PROSER2: variants seen among roughly 807,000 people sequenced by gnomAD.
PROSER2 encodes the protein proline and serine-rich protein 2.
In PROSER2, 18 loss-of-function variants were observed where a neutral mutation model predicts 14.6. That is an observed-to-expected ratio of 1.23 (90% CI 0.85 to 1.83). PROSER2 has a LOEUF of 1.83. Ranked by LOEUF, PROSER2 falls within the 40% of genes most tolerant of loss-of-function variation. PROSER2 has a pLI of 0.00. For missense variants in PROSER2, 823 were observed against 629.8 expected, an observed-to-expected ratio of 1.31 and a Z score of -3.28; for synonymous variants, 367 against 286.4, an observed-to-expected ratio of 1.28 and a Z score of -2.84.
In PROSER2 at chr10:11,856,240, C is replaced by T. The variant is rs1195528445; in HGVS notation, c.138+4025C>T. ...TCCTCTCCATGGCTGCTGCAGGCGG[C>T]TCTGGGTGTTTGGTTACCACCGTCA... On this transcript the variant is annotated intron_variant, in intron 2 of 3. Transcript: ENST00000277570. This position sits in a 1 kb window ranked among gnomAD's most constrained non-coding sequence, Gnocchi z 5.3. Among the ~76,000 whole-genome samples, 1 of 152,152 alleles carries T rather than the reference C, an allele frequency of 6.6e-6. No individual in the cohort carries two copies. The highest frequency in any genetic ancestry group is 2.4e-5 in the African/African-American group (1 of 41,414).
rs1833778757 is a variant in PROSER2 at position 11,837,564 on chromosome 10, A to G, written c.-82+14094A>G. On this transcript the variant is annotated intron_variant, in intron 1 of 3. Transcript: ENST00000277570. The surrounding 1 kb of genome is among the most constrained non-coding windows in gnomAD (Gnocchi z 4.6). ...GACCTGTTTTTGTGAAGTGTTTGCA[A>G]TGGCAATGAGTTGCGTAACATAGAC... Among the ~76,000 whole-genome samples, 1 of 152,200 alleles carries G rather than the reference A, an allele frequency of 6.6e-6. No homozygotes were observed. The highest frequency in any genetic ancestry group is 2.1e-4 in the South Asian group (1 of 4,820).
intron 1 of PROSER2, among the ~76,000 whole-genome samples, chr10:11,826,747 A>T (rs1407415393): frequency 6.6e-6 from 1 of 151,544 alleles, no homozygotes; most frequent in Non-Finnish European, 1.5e-5. Flanking sequence ...CGCCGGGCTA[A>T]TTTTTTGTAT....
rs1427239672 is a variant in PROSER2 at position 11,838,191 on chromosome 10, C to T, written c.-81-13806C>T. On this transcript the variant is annotated intron_variant, in intron 1 of 3. Coordinates refer to ENST00000277570, the MANE Select transcript of PROSER2 (RefSeq NM_153256.4). This position sits in a 1 kb window ranked among gnomAD's most constrained non-coding sequence, Gnocchi z 4.4. ...TAGAACAATCAGGTCATGCCCCCGA[C>T]ACACACTCACCCCCCAGACTCACCA... Among the ~76,000 whole-genome samples, 1 of 152,124 alleles carries T rather than the reference C, an allele frequency of 6.6e-6. No homozygotes were observed.
intron 1 of PROSER2, among the ~76,000 whole-genome samples, chr10:11,826,139 G>T (rs1172720412): frequency 6.6e-6 from 1 of 152,138 alleles, no homozygotes; most frequent in Non-Finnish European, 1.5e-5. Flanking sequence ...GTGGCCTCTT[G>T]TGTCTGGCGT....
At chr10:11,855,680 T>C (rs1347481760) in intron 2 of PROSER2, among the ~76,000 whole-genome samples, 1 of 152,086 alleles carries the variant, frequency 6.6e-6, no homozygotes, top group Non-Finnish European at 1.5e-5. Context: ...CTGAGCTACT[T>C]GGGAGGCCTG....
Position 11,843,192 on chromosome 10 carries a change from G to A in PROSER2, c.-81-8805G>A, listed in dbSNP as rs191504312. Among the ~76,000 whole-genome samples, 277 of 148,334 alleles carry A rather than the reference G, an allele frequency of 1.9e-3. 1 individual carries two copies. The highest frequency in any genetic ancestry group is 6.3e-3 in the African/African-American group (256 of 40,892). On this transcript the variant is annotated intron_variant, in intron 1 of 3. Coordinates refer to ENST00000277570, the MANE Select transcript of PROSER2 (RefSeq NM_153256.4). ...CCTGACCTCGTGATCCGCCCACCTC[G>A]GCCTCCCAAAGTGCCGGGATTACAG...
Position 11,866,698 on chromosome 10 carries a change from C to A in PROSER2, c.306C>A (p.Ser102=). Residue 102 remains serine, a synonymous_variant, in exon 3 of 4, where the codon TCC becomes TCA. Transcript: ENST00000277570. This position sits in a 1 kb window ranked among gnomAD's most constrained non-coding sequence, Gnocchi z 6.0. Reference sequence around the variant, plus strand: ...TGGAGGAGAGCACCTCCAGTCCCTCCGAGCCTGAAGATGTCATCGACTTAG... The same window carrying A: ...TGGAGGAGAGCACCTCCAGTCCCTCAGAGCCTGAAGATGTCATCGACTTAG... ...PSLEESTSSP[S]EPEDVIDLVQ... is the part of the protein sequence containing the mutation. 2 of 1,614,098 alleles carry A rather than the reference C, an allele frequency of 1.2e-6. No homozygotes were observed. The highest frequency in any genetic ancestry group is 4.5e-5 in the East Asian group (2 of 44,876).
At chr10:11,860,431 A>G (rs970360833) in intron 2 of PROSER2, among the ~76,000 whole-genome samples, 1 of 151,974 alleles carries the variant, frequency 6.6e-6, no homozygotes, top group Non-Finnish European at 1.5e-5. Context: ...GCTGGCCAGC[A>G]TGGTGAAACC....
intron 1 of PROSER2, among the ~76,000 whole-genome samples, chr10:11,834,386 A>G (rs1026896156): frequency 1.3e-5 from 2 of 151,864 alleles, no homozygotes; most frequent in South Asian, 4.2e-4. Flanking sequence ...ACACTTTTTA[A>G]AGCCTCACGT....
intron 1 of PROSER2, chr10:11,851,349 T>C (rs1234576671): frequency 6.6e-6 from 1 of 152,236 alleles, no homozygotes; most frequent in Non-Finnish European, 1.5e-5. Context: ...CCTGGGGTAC[T>C]TTACTTTTGA....
Position 11,869,935 on chromosome 10 carries a change from GGAGCGCA to G in PROSER2, c.839_845del (p.Glu280GlyfsTer71), listed in dbSNP as rs1305344640. 7.1e-6 allele frequency: 11 copies of G among 1,541,886 alleles called. No individual in the cohort carries two copies. The highest frequency in any genetic ancestry group is 9.6e-6 in the Non-Finnish European group (11 of 1,148,528). ...TGTCCAGGGCGGCCGTCAGCGTGCA[GGAGCGCA>G]GGGCGCAGGTGTTGGCCACCATCCA... On this transcript the variant is annotated frameshift_variant, in exon 4 of 4. Coordinates refer to ENST00000277570, the MANE Select transcript of PROSER2 (RefSeq NM_153256.4). LOFTEE classifies it low-confidence loss of function (END_TRUNC). The surrounding 1 kb of genome is among the most constrained non-coding windows in gnomAD (Gnocchi z 4.4).
intron 1 of PROSER2, among the ~76,000 whole-genome samples, chr10:11,843,089 C>A (rs1379691117): frequency 3.3e-5 from 5 of 150,156 alleles, no homozygotes; most frequent in Admixed American, 1.3e-4. Flanking sequence ...TACAGGCGCC[C>A]GCCACCATGC....
In PROSER2 at chr10:11,852,056, C is replaced by T. The variant is rs762038436; in HGVS notation, c.-22C>T. On this transcript the variant is annotated 5_prime_UTR_variant, in exon 2 of 4. Transcript: ENST00000277570. ...CCTGCCCTGCTTCCTGTGATCGAGCCGGCCCTGAGGACTCTGTGGAGATGC... is the reference window on the plus strand; with the variant it reads ...CCTGCCCTGCTTCCTGTGATCGAGCTGGCCCTGAGGACTCTGTGGAGATGC... The T allele has an allele frequency of 1.5e-5, 24 of 1,586,886 alleles. No individual in the cohort carries two copies. Among genetic ancestry groups the T allele is most frequent in the South Asian group, 3.4e-5 (3 of 87,818 alleles).
intron 1 of PROSER2, among the ~76,000 whole-genome samples, chr10:11,843,665 G>A (rs117537980): frequency 2.7e-5 from 4 of 148,158 alleles, no homozygotes; most frequent in Non-Finnish European, 5.9e-5. Context: ...CAATCTGGAC[G>A]ACAGAGCGAG....
In PROSER2 at chr10:11,866,304, C is replaced by T. The variant is rs144400183; in HGVS notation, c.139-227C>T. 1.3e-4 allele frequency among the ~76,000 whole-genome samples: 20 copies of T among 152,204 alleles called. No homozygotes were observed. The highest frequency in any genetic ancestry group is 3.9e-4 in the African/African-American group (16 of 41,518). ...TGCTAGGAACCCCAAGGCGAGGGCCCGTTATAACAGCTTTGAGGCTCTGTT... is the reference window on the plus strand; with the variant it reads ...TGCTAGGAACCCCAAGGCGAGGGCCTGTTATAACAGCTTTGAGGCTCTGTT... On this transcript the variant is annotated intron_variant, in intron 2 of 3. Coordinates refer to ENST00000277570, the MANE Select transcript of PROSER2 (RefSeq NM_153256.4). This position sits in a 1 kb window ranked among gnomAD's most constrained non-coding sequence, Gnocchi z 6.0.
chr10:11,835,535 T>G (rs1833748282), intron 1 of PROSER2, among the ~76,000 whole-genome samples: 1 of 152,246 alleles, frequency 6.6e-6, no homozygotes, highest in Admixed American at 6.5e-5. Context: ...AAAGAATGTA[T>G]GGACTCAGTT....
In PROSER2 at chr10:11,837,302, T is replaced by C. The variant is rs1387025223; in HGVS notation, c.-82+13832T>C. Among the ~76,000 whole-genome samples, 2 of 152,058 alleles carry C rather than the reference T, an allele frequency of 1.3e-5. No homozygotes were observed. Among genetic ancestry groups the C allele is most frequent in the African/African-American group, 2.4e-5 (1 of 41,378 alleles). ...GAAGGTGTGAAGAAGGAAAAAGAAA[T>C]TTATATTAGTTTTGCTGTCACACTT... On this transcript the variant is annotated intron_variant, in intron 1 of 3. Transcript: ENST00000277570. The surrounding 1 kb of genome is among the most constrained non-coding windows in gnomAD (Gnocchi z 4.6).
At chr10:11,861,012 A>C (rs1834226104) in intron 2 of PROSER2, among the ~76,000 whole-genome samples, 1 of 152,018 alleles carries the variant, frequency 6.6e-6, no homozygotes, top group African/African-American at 2.4e-5. Flanking sequence ...AGGCTGAGGC[A>C]GGAGAATTGC....
intron 2 of PROSER2, among the ~76,000 whole-genome samples, chr10:11,863,703 C>T (rs1834288885): frequency 6.6e-6 from 1 of 152,102 alleles, no homozygotes; most frequent in Non-Finnish European, 1.5e-5. Context: ...TGTTATTTAC[C>T]TCCACTATTG....
Sources: gnomAD v4.1 joint callset for allele counts (sites outside exome capture counted in the v4.1 genomes callset) on GRCh38, gnomAD v4.1.1 for gene constraint, Gnocchi (gnomAD v3.1) non-coding constraint, MANE v1.5 for transcripts, NCBI Gene and HGNC (gene_info 2026-07-23, HGNC 2026-07-21) for gene names.